PYROXD1: variants seen among roughly 807,000 people sequenced by gnomAD.
PYROXD1 encodes the protein pyridine nucleotide-disulphide oxidoreductase domain 1, also known as tRNA ligase complex-associated NAD(P)H dehydrogenase PYROXD1.
In PYROXD1, 42 loss-of-function variants were observed where a neutral mutation model predicts 62.0. The observed-to-expected ratio is 0.68, with a 90% CI of 0.53 to 0.88. PYROXD1 has a LOEUF of 0.88. Among genes scored for constraint, PYROXD1 ranks in the 40% least tolerant of loss-of-function variants. PYROXD1 has a pLI of 0.00. For missense variants in PYROXD1, 493 were observed against 604.8 expected (o/e 0.82, Z 1.94); for synonymous variants, 170 against 206.4 (o/e 0.82, Z 1.51).
chr12:21,439,934 G>C (rs1942262678), intron 1 of PYROXD1, among the ~76,000 whole-genome samples: 1 of 152,162 alleles, frequency 6.6e-6, no homozygotes, highest in African/African-American at 2.4e-5. Context: ...AATATTCTAA[G>C]TGTTTAATAT....
intron 4 of PYROXD1, among the ~76,000 whole-genome samples, chr12:21,450,724 T>C (rs1470772327): frequency 6.6e-6 from 1 of 152,200 alleles, no homozygotes; most frequent in African/African-American, 2.4e-5. Context: ...CTCTTAATAA[T>C]TAGGAATTGA....
At chr12:21,456,375 G>A (rs949881987) in intron 7 of PYROXD1, among the ~76,000 whole-genome samples, 11 of 152,052 alleles carry the variant, frequency 7.2e-5, no homozygotes, top group African/African-American at 2.2e-4. Context: ...TGCAGGTTCA[G>A]TCCCAGACCA....
intron 10 of PYROXD1, among the ~76,000 whole-genome samples, chr12:21,464,827 A>ACCC (rs1302435098): frequency 6.6e-6 from 1 of 151,586 alleles, no homozygotes; most frequent in Non-Finnish European, 1.5e-5. Flanking sequence ...CTGCACCCCC[A>ACCC]CCCCACAAGA....
At chr12:21,457,139 C>T (rs1313035708) in intron 7 of PYROXD1, 1 of 253,822 alleles carries the variant, frequency 3.9e-6, no homozygotes, top group South Asian at 3.7e-5. Context: ...TTGACTTACT[C>T]CCTTGAATCA....
chr12:21,452,080 G>C lies in PYROXD1; in HGVS notation c.415-1G>C, dbSNP rs1942509918. On this transcript the variant is annotated splice_acceptor_variant, in intron 4 of 11. Coordinates refer to ENST00000240651, the MANE Select transcript of PYROXD1 (RefSeq NM_024854.5). LOFTEE classifies it high-confidence loss of function. Reference sequence around the variant, plus strand: ...ACCTCATTATTTTCTTTTTAACATAGGAATTTCAGAAACAGCTTACTAAAG... The same window carrying C: ...ACCTCATTATTTTCTTTTTAACATACGAATTTCAGAAACAGCTTACTAAAG... 6.4e-7 allele frequency: 1 copy of C among 1,569,030 alleles called. No homozygotes were observed. The highest frequency in any genetic ancestry group is 8.7e-7 in the Non-Finnish European group (1 of 1,152,536).
At chr12:21,449,365 T>G (rs1435906535) in intron 3 of PYROXD1, among the ~76,000 whole-genome samples, 198 bp from the exon 4 acceptor site, 1 of 38,974 alleles carries the variant, frequency 2.6e-5, no homozygotes, top group East Asian at 1.0e-3. Flanking sequence ...CTTAAAATGA[T>G]TTAAGAATAA....
chr12:21,455,086 C>T, intron 5 of PYROXD1, 46 bp from the exon 6 acceptor site: 1 of 1,201,822 alleles, frequency 8.3e-7, no homozygotes, highest in Non-Finnish European at 1.1e-6. Context: ...AGATTTTTTA[C>T]TTAGACTTTT....
intron 3 of PYROXD1, 44 bp downstream of exon 3, chr12:21,445,510 T>C (rs1208884186): frequency 1.4e-5 from 22 of 1,523,490 alleles, no homozygotes; most frequent in Non-Finnish European, 1.7e-5. Flanking sequence ...TTGTTGAATC[T>C]TGATGAAGTT....
At chr12:21,457,603 G>A (rs532811791) in intron 7 of PYROXD1, among the ~76,000 whole-genome samples, 15 of 151,968 alleles carry the variant, frequency 9.9e-5, no homozygotes, top group Non-Finnish European at 1.9e-4. Flanking sequence ...ATGGTCCCAC[G>A]GGCTGTACAG....
At chr12:21,445,160 C>T (rs1942362886) in intron 2 of PYROXD1, among the ~76,000 whole-genome samples, 187 bp from the exon 3 acceptor site, 1 of 152,160 alleles carries the variant, frequency 6.6e-6, no homozygotes, top group Non-Finnish European at 1.5e-5. Flanking sequence ...CCAGGAGCGG[C>T]CAAGCAAATA....
At chr12:21,464,137 GT>G (rs34682004) in intron 10 of PYROXD1, among the ~76,000 whole-genome samples, 236 of 146,826 alleles carry the variant, frequency 1.6e-3, no homozygotes, top group African/African-American at 3.0e-3. Flanking sequence ...GAGTTTATGG[GT>G]TTTTTTTTTT....
At chr12:21,463,147 T>C (rs1189212045) in intron 10 of PYROXD1, among the ~76,000 whole-genome samples, 1 of 152,224 alleles carries the variant, frequency 6.6e-6, no homozygotes, top group Non-Finnish European at 1.5e-5. Context: ...GAACTTTCTG[T>C]GATGATGGAA....
chr12:21,462,814 C>T lies in PYROXD1; in HGVS notation c.1068C>T (p.Ala356=), dbSNP rs757758245. The change falls in exon 10 of 12, where the codon GCC becomes GCT. Residue 356 remains alanine, a synonymous_variant. Transcript: ENST00000240651. ...MHTSLPDIYA[A]GDICTTSWQL... ...CATCCCTTCCTGATATCTATGCTGC[C>T]GGTGACATCTGTACTACATCCTGGC... The T allele has an allele frequency of 2.5e-5, 41 of 1,613,752 alleles. No homozygotes were observed. The highest frequency in any genetic ancestry group is 3.2e-5 in the Non-Finnish European group (38 of 1,179,970).
At chr12:21,448,424 T>C in intron 3 of PYROXD1, 3 of 199,574 alleles carry the variant, frequency 1.5e-5, no homozygotes, top group African/African-American at 6.9e-5. Flanking sequence ...TGTGTTTGTT[T>C]GTGCTATTTG....
chr12:21,464,168 A>G (rs953428710), intron 10 of PYROXD1, among the ~76,000 whole-genome samples: 4 of 150,164 alleles, frequency 2.7e-5, no homozygotes, highest in Non-Finnish European at 1.5e-5. Flanking sequence ...TTAATTCTCT[A>G]GGGTAAATTA....
intron 7 of PYROXD1, among the ~76,000 whole-genome samples, chr12:21,460,426 T>C (rs1018216847): frequency 9.1e-6 from 1 of 109,558 alleles, no homozygotes; most frequent in African/African-American, 3.5e-5. Context: ...ATTTATTTTA[T>C]TTATTTATTT....
chr12:21,456,691 AAC>A (rs1401524644), intron 7 of PYROXD1, among the ~76,000 whole-genome samples: 1 of 152,138 alleles, frequency 6.6e-6, no homozygotes, highest in East Asian at 1.9e-4. Flanking sequence ...TTCTTAAAAT[AAC>A]AAGTTTGCCC....
At chr12:21,440,524 T>A in intron 2 of PYROXD1, 76 bp downstream of exon 2, 1 of 798,376 alleles carries the variant, frequency 1.3e-6, no homozygotes, top group Non-Finnish European at 2.1e-6. Flanking sequence ...AGGGTAATTG[T>A]GTATTTTTTT....
At chr12:21,466,828 G>GT (rs1942803231) in intron 10 of PYROXD1, among the ~76,000 whole-genome samples, 1 of 152,038 alleles carries the variant, frequency 6.6e-6, no homozygotes, top group Non-Finnish European at 1.5e-5. Context: ...TTTGAGATAC[G>GT]TCCCATCAAT....
Sources: allele counts gnomAD v4.1 joint callset (sites outside exome capture counted in the v4.1 genomes callset), GRCh38; gene constraint gnomAD v4.1.1; transcripts MANE v1.5; gene names NCBI Gene and HGNC (gene_info 2026-07-23, HGNC 2026-07-21).